Variants in PHTF1 observed in about 807,000 individuals in gnomAD.
PHTF1 encodes protein PHTF1.
In PHTF1, 88 loss-of-function variants were observed where a neutral mutation model predicts 102.4. The observed-to-expected ratio is 0.86, with a 90% confidence interval of 0.72 to 1.03. The LOEUF (loss-of-function observed/expected upper bound fraction) is 1.03. PHTF1 is among the 50% of genes least tolerant of loss of function. The pLI is 0.00. For missense variants in PHTF1, 814 were observed against 909.5 expected, an observed-to-expected ratio of 0.89 and a Z score of 1.35; for synonymous variants, 289 against 305.2, an observed-to-expected ratio of 0.95 and a Z score of 0.55.
At chr1:113,744,157 T>C (rs1056336720) in intron 3 of PHTF1, among the ~76,000 whole-genome samples, 1 of 152,194 alleles carries the variant, frequency 6.6e-6, no homozygotes, top group African/African-American at 2.4e-5. Context: ...AGAGTAGTGG[T>C]CTGGAAATTC....
chr1:113,732,905 G>A (rs921366799), intron 5 of PHTF1, among the ~76,000 whole-genome samples: 3 of 151,728 alleles, frequency 2.0e-5, no homozygotes, highest in African/African-American at 7.3e-5. Flanking sequence ...TTGAGGGGGC[G>A]GGCAGAGATG....
At position 113,700,784 on chromosome 1, in the gene PHTF1, T is replaced by C. The variant is rs767165364; in HGVS notation, c.2046+10A>G. 15 of 1,611,618 alleles carry C rather than the reference T, an allele frequency of 9.3e-6. No individual in the cohort carries two copies. The South Asian group carries it at 1.5e-4, about 17-fold the overall frequency. ...AACCACTAAACCCAATTGACAGGAC[T>C]GATCAATACCTGTTCTGTAAGTAAT... is the stretch of plus-strand genomic sequence containing the variant. On this transcript the variant is annotated intron_variant, in intron 16 of 18. Transcript: ENST00000369604.
intron 7 of PHTF1, among the ~76,000 whole-genome samples, chr1:113,719,647 A>C (rs1360000271): frequency 6.6e-6 from 1 of 152,136 alleles, no homozygotes; most frequent in Non-Finnish European, 1.5e-5. Flanking sequence ...CCATTCAACA[A>C]ATCTCTAGGA....
intron 7 of PHTF1, among the ~76,000 whole-genome samples, chr1:113,721,079 T>C (rs990965829): frequency 6.6e-6 from 1 of 152,130 alleles, no homozygotes; most frequent in African/African-American, 2.4e-5. Context: ...CACTCAAGCC[T>C]GGGCAACAGA....
In PHTF1 at chr1:113,700,831, T is replaced by G. The variant is rs1484762823; in HGVS notation, c.2009A>C (p.Lys670Thr). The change falls in exon 16 of 19, where the codon AAG becomes ACG. Residue 670 changes from lysine to threonine, a missense_variant. Coordinates refer to ENST00000369604, the MANE Select transcript of PHTF1 (RefSeq NM_001323043.2). ...RLASLGSETN[K>T]KYSNVSILLT... ...TAATATTGAAACATTGCTGTATTTC[T>G]TATTGGTTTCAGACCCCAGTGAGGC... The G allele has an allele frequency of 1.2e-6, 2 of 1,613,998 alleles. No individual in the cohort carries two copies. Among genetic ancestry groups the G allele is most frequent in the South Asian group, 1.1e-5 (1 of 91,054 alleles).
intron 5 of PHTF1, among the ~76,000 whole-genome samples, chr1:113,736,796 T>C (rs1009775647): frequency 1.3e-5 from 2 of 152,096 alleles, no homozygotes; most frequent in African/African-American, 2.4e-5. Context: ...AAGGATATTA[T>C]GTCTACAGCC....
At chr1:113,747,732 T>G (rs748138414) in intron 3 of PHTF1, among the ~76,000 whole-genome samples, 19 of 152,206 alleles carry the variant, frequency 1.2e-4, no homozygotes, top group African/African-American at 4.3e-4. Context: ...GCATAAAACT[T>G]CAGGTTGAAA....
In PHTF1 at chr1:113,712,074, G is replaced by C. The variant is rs778357024; in HGVS notation, c.823C>G (p.Leu275Val). 1 of 1,613,906 alleles carries C rather than the reference G, an allele frequency of 6.2e-7. No homozygotes were observed. The highest frequency in any genetic ancestry group is 8.5e-7 in the Non-Finnish European group (1 of 1,179,938). Residue 275 changes from leucine to valine, a missense_variant, in exon 9 of 19, where the codon CTG becomes GTG. By Grantham distance (32) the Leu-to-Val change is conservative. Coordinates refer to ENST00000369604, the MANE Select transcript of PHTF1 (RefSeq NM_001323043.2). ...GCTTCACCATCTTCTTCACTTGACAGGTCATCAGACACCCCATTACCCAAA... is the reference window on the plus strand; with the variant it reads ...GCTTCACCATCTTCTTCACTTGACACGTCATCAGACACCCCATTACCCAAA... ...RRLGNGVSDDLSSEEDGEART... is the reference protein window; with the variant it reads ...RRLGNGVSDDVSSEEDGEART...
intron 3 of PHTF1, among the ~76,000 whole-genome samples, chr1:113,742,968 T>TTTG (rs913391035): frequency 5.5e-4 from 83 of 151,764 alleles, no homozygotes; most frequent in African/African-American, 1.5e-3. Context: ...CAAGGAGTTT[T>TTTG]TTGTTGTTGT....
intron 11 of PHTF1, 76 bp downstream of exon 11, chr1:113,710,178 A>T: frequency 9.5e-7 from 1 of 1,057,474 alleles, no homozygotes; most frequent in Non-Finnish European, 1.5e-6. Context: ...TTGTAAAGTT[A>T]AATGAGATGA....
intron 16 of PHTF1, among the ~76,000 whole-genome samples, chr1:113,700,442 CAGA>C (rs976316475): frequency 2.6e-5 from 4 of 152,090 alleles, no homozygotes; most frequent in Admixed American, 2.0e-4. Flanking sequence ...ATGTCTAATA[CAGA>C]AGAATTCAAG....
intron 2 of PHTF1, among the ~76,000 whole-genome samples, chr1:113,758,231 CAAAAAA>C (rs1162537319): frequency 1.2e-4 from 7 of 58,210 alleles, no homozygotes; most frequent in Non-Finnish European, 1.9e-4. Flanking sequence ...AACTCCGTCT[CAAAAAA>C]AAAAAAAAAA....
chr1:113,742,448 A>AC (rs1330898193), intron 3 of PHTF1, among the ~76,000 whole-genome samples: 4 of 151,976 alleles, frequency 2.6e-5, no homozygotes, highest in Non-Finnish European at 5.9e-5. Context: ...ACATGGTGAA[A>AC]CCCCCGTCTC....
intron 3 of PHTF1, among the ~76,000 whole-genome samples, chr1:113,752,994 G>A (rs551886219): frequency 3.3e-5 from 5 of 152,252 alleles, no homozygotes; most frequent in African/African-American, 1.2e-4. Context: ...ATTATTAATA[G>A]GCATTGAATT....
At chr1:113,721,388 C>T (rs536365248) in intron 7 of PHTF1, among the ~76,000 whole-genome samples, 1 of 152,206 alleles carries the variant, frequency 6.6e-6, no homozygotes, top group Non-Finnish European at 1.5e-5. Context: ...ATAACAGACC[C>T]ACAGCTGGTA....
At chr1:113,699,220 T>C (rs1297516452) in intron 17 of PHTF1, 1 of 220,352 alleles carries the variant, frequency 4.5e-6, no homozygotes, top group Non-Finnish European at 9.1e-6. Flanking sequence ...CTTGCAAGGG[T>C]AGGTAGTGTG....
chr1:113,746,806 C>T (rs774909437), intron 3 of PHTF1: 21 of 723,002 alleles, frequency 2.9e-5, no homozygotes, highest in Non-Finnish European at 3.6e-5. Flanking sequence ...TAAAATAATA[C>T]TCATATTACA....
At chr1:113,698,194 A>C in intron 18 of PHTF1, 68 bp downstream of exon 18, 1 of 1,167,056 alleles carries the variant, frequency 8.6e-7, no homozygotes, top group African/African-American at 1.5e-5. Context: ...CACACGTGTG[A>C]AGAACACAGA....
At chr1:113,713,496 A>G in intron 7 of PHTF1, 58 bp from the exon 8 acceptor site, 2 of 905,948 alleles carry the variant, frequency 2.2e-6, no homozygotes, top group East Asian at 5.3e-5. Flanking sequence ...CTTTCATGAA[A>G]CCACTTTCTT....
Sources: gnomAD v4.1 joint callset for allele counts (sites outside exome capture counted in the v4.1 genomes callset) on GRCh38, gnomAD v4.1.1 for gene constraint, MANE v1.5 for transcripts, NCBI Gene and HGNC (gene_info 2026-07-23, HGNC 2026-07-21) for gene names.